The following ST6GAL2 variants were observed in gnomAD, a reference collection of about 807,000 sequenced individuals.
The protein encoded by ST6GAL2 is ST6 beta-galactoside alpha-2,6-sialyltransferase 2.
A neutral mutation model predicts 37.5 loss-of-function variants in ST6GAL2; 24 were observed. The ratio of observed to expected loss-of-function variants is 0.64; its 90% CI spans 0.46 to 0.90. The LOEUF (loss-of-function observed/expected upper bound fraction) is 0.90, where lower values mean the gene tolerates loss of function less well. Ranked by LOEUF, ST6GAL2 falls within the 40% of genes least tolerant of loss-of-function variation. The pLI is 0.00. For missense variants in ST6GAL2, 715 were observed against 712.7 expected, an observed-to-expected ratio of 1.00 and a Z score of -0.04; for synonymous variants, 306 against 295.1, an observed-to-expected ratio of 1.04 and a Z score of -0.38.
chr2:106,826,692 T>C (rs74420422), intron 5 of ST6GAL2, among the ~76,000 whole-genome samples: 13,629 of 152,172 alleles, frequency 0.09, 855 homozygotes, highest in African/African-American at 0.12. Flanking sequence ...ACATGAGATC[T>C]AGGTGGGGAC....
chr2:106,885,999 C>T (rs935010071), intron 1 of ST6GAL2, 94 bp downstream of exon 1: 3 of 152,318 alleles, frequency 2.0e-5, no homozygotes, highest in African/African-American at 4.8e-5. Flanking sequence ...GGTCTCGCTC[C>T]TAAACACGGA....
At chr2:106,811,566 T>C (rs942679295) in intron 5 of ST6GAL2, among the ~76,000 whole-genome samples, 6 of 152,152 alleles carry the variant, frequency 3.9e-5, no homozygotes, top group Admixed American at 1.3e-4. Context: ...ATTTCACCTT[T>C]AAATTTAAAG....
intron 5 of ST6GAL2, among the ~76,000 whole-genome samples, chr2:106,827,015 C>T (rs1353783150): frequency 1.3e-5 from 2 of 152,176 alleles, no homozygotes; most frequent in African/African-American, 4.8e-5. Context: ...GAAGATGGGA[C>T]TGTGCAAACT....
chr2:106,805,642 T>C lies in ST6GAL2; in HGVS notation c.*1036A>G, dbSNP rs1286639219. 6.6e-6 allele frequency: 1 copy of C among 152,218 alleles called. No individual in the cohort carries two copies. The highest frequency in any genetic ancestry group is 2.4e-5 in the African/African-American group (1 of 41,442). The allele number at this position is 152,218 out of a possible 1,614,324, so 9.4% of individuals were successfully genotyped here. A position where few individuals can be genotyped will look rare whatever the true frequency, so the allele number is the denominator to read the frequency against. On this transcript the variant is annotated 3_prime_UTR_variant, in exon 6 of 6. Transcript: ENST00000409382. ...GATTCAGTGCTCATCACTGTGGAGT[T>C]CCCACTGGCTGATAAAAACCTGCAA...
Position 106,853,892 on chromosome 2 carries a change from G to A in ST6GAL2, c.-57-9858C>T, listed in dbSNP as rs545693574. Among the ~76,000 whole-genome samples, 3 of 152,294 alleles carry A rather than the reference G, an allele frequency of 2.0e-5. No individual in the cohort carries two copies. The South Asian group carries it at 6.2e-4, about 32-fold the overall frequency. The stretch of plus-strand genomic sequence containing the variant: ...ACTAGTTAGGGTCTGCTGGCTTCCA[G>A]AAACAGCATTCATCTGCTTTGGACT... On this transcript the variant is annotated intron_variant, in intron 1 of 5. Coordinates refer to ENST00000409382, the MANE Select transcript of ST6GAL2 (RefSeq NM_001142351.2).
chr2:106,853,425 G>C (rs1677454475), intron 1 of ST6GAL2, among the ~76,000 whole-genome samples: 1 of 152,226 alleles, frequency 6.6e-6, no homozygotes, highest in Non-Finnish European at 1.5e-5. Flanking sequence ...TTCTGCCTTT[G>C]CTGTTGCATG....
intron 4 of ST6GAL2, among the ~76,000 whole-genome samples, chr2:106,830,927 T>G (rs1428590818): frequency 2.6e-5 from 4 of 152,218 alleles, no homozygotes; most frequent in Non-Finnish European, 4.4e-5. Flanking sequence ...CATTTATATT[T>G]GCTTACACCA....
At position 106,882,394 on chromosome 2, in the gene ST6GAL2, T is replaced by G. The variant is rs534546651; in HGVS notation, c.-58+3699A>C. 2.0e-5 allele frequency among the ~76,000 whole-genome samples: 3 copies of G among 152,348 alleles called. No homozygotes were observed. In the East Asian group the frequency reaches 5.8e-4, roughly 29 times the overall value. ...CTTCCTGAGGTTCAGTCTTCTCGCC[T>G]GTAAAATGGGCACAATGATACCTCC... On this transcript the variant is annotated intron_variant, in intron 1 of 5. Transcript: ENST00000409382.
rs1675343638 is a variant in ST6GAL2, at chr2:106,804,195, T to A, written c.*2483A>T. The stretch of plus-strand genomic sequence containing the variant: ...CCTCAATGAAACTGAAAGTACTATT[T>A]TAAAAGTACAATGACTACGACAAAA... On this transcript the variant is annotated 3_prime_UTR_variant, in exon 6 of 6. Transcript: ENST00000409382. 1 of 152,222 alleles carries A rather than the reference T, an allele frequency of 6.6e-6. No individual in the cohort carries two copies. The highest frequency in any genetic ancestry group is 1.5e-5 in the Non-Finnish European group (1 of 68,044). 9.4% of individuals were successfully genotyped at this position (152,222 alleles called of 1,614,324 possible).
chr2:106,815,420 A>G (rs1675764410), intron 5 of ST6GAL2, among the ~76,000 whole-genome samples: 1 of 152,220 alleles, frequency 6.6e-6, no homozygotes, highest in Admixed American at 6.5e-5. Context: ...AACAACCAGA[A>G]TATCAACAAC....
chr2:106,836,166 G>A (rs1207533771), intron 2 of ST6GAL2, among the ~76,000 whole-genome samples: 1 of 152,114 alleles, frequency 6.6e-6, no homozygotes, highest in Non-Finnish European at 1.5e-5. Flanking sequence ...AAAGAATACT[G>A]AGAAGACTGG....
At chr2:106,846,865 T>C (rs1677166237) in intron 1 of ST6GAL2, among the ~76,000 whole-genome samples, 1 of 152,246 alleles carries the variant, frequency 6.6e-6, no homozygotes, top group Admixed American at 6.5e-5. Context: ...TTATTTGGTC[T>C]TTCCAGCATC....
intron 4 of ST6GAL2, among the ~76,000 whole-genome samples, chr2:106,831,850 C>T (rs539628884): frequency 5.4e-4 from 82 of 152,274 alleles, no homozygotes; most frequent in Non-Finnish European, 1.0e-3. Context: ...AAGTCAAAGA[C>T]GCTCATTTAC....
rs2104397529 is a variant in ST6GAL2 at position 106,801,849 on chromosome 2, G to C, written c.*4829C>G. 6.6e-6 allele frequency: 1 copy of C among 152,328 alleles called. No homozygotes were observed. Among genetic ancestry groups the C allele is most frequent in the Admixed American group, 6.5e-5 (1 of 15,298 alleles). The allele number at this position is 152,328 out of a possible 1,614,324, so 9.4% of individuals were successfully genotyped here. A position where few individuals can be genotyped will look rare whatever the true frequency, so the allele number is the denominator to read the frequency against. ...TTCACTGGTTTCCACTGGAAGAATT[G>C]TCTAAGTATTTCATCTAGAATAAAA... On this transcript the variant is annotated 3_prime_UTR_variant, in exon 6 of 6. Coordinates refer to ENST00000409382, the MANE Select transcript of ST6GAL2 (RefSeq NM_001142351.2).
At chr2:106,882,308 T>C (rs1360181844) in intron 1 of ST6GAL2, among the ~76,000 whole-genome samples, 1 of 152,152 alleles carries the variant, frequency 6.6e-6, no homozygotes, top group Non-Finnish European at 1.5e-5. Context: ...CTCAGTCTAA[T>C]AGCATGGGTT....
In ST6GAL2 at chr2:106,806,911, C is replaced by A; in HGVS notation, c.1357G>T (p.Val453Leu). Residue 453 changes from valine to leucine, a missense_variant, in exon 6 of 6, where the codon GTG becomes TTG. Coordinates refer to ENST00000409382, the MANE Select transcript of ST6GAL2 (RefSeq NM_001142351.2). The stretch of plus-strand genomic sequence containing the variant: ...CGCACGGATGGGATATATTCATACA[C>A]GTGCACCTCTCTGCACATGGACATC... ...IMMSMCREVHVYEYIPSVRQT... is the reference protein window; with the variant it reads ...IMMSMCREVHLYEYIPSVRQT... The A allele has an allele frequency of 6.2e-7, 1 of 1,613,994 alleles. No homozygotes were observed. Among genetic ancestry groups the A allele is most frequent in the Non-Finnish European group, 8.5e-7 (1 of 1,179,960 alleles).
intron 1 of ST6GAL2, among the ~76,000 whole-genome samples, chr2:106,856,394 G>A (rs1432525749): frequency 1.3e-5 from 2 of 152,180 alleles, no homozygotes; most frequent in African/African-American, 4.8e-5. Flanking sequence ...GTGAGTCTCT[G>A]TAGACCCAAA....
At chr2:106,882,055 G>A (rs950752515) in intron 1 of ST6GAL2, among the ~76,000 whole-genome samples, 1 of 152,154 alleles carries the variant, frequency 6.6e-6, no homozygotes, top group African/African-American at 2.4e-5. Flanking sequence ...TGACTGCCTG[G>A]ATATTCCACA....
intron 1 of ST6GAL2, among the ~76,000 whole-genome samples, chr2:106,878,514 C>T (rs1678602504): frequency 6.6e-6 from 1 of 151,844 alleles, no homozygotes; most frequent in Non-Finnish European, 1.5e-5. Flanking sequence ...GTAATCCCAA[C>T]ATTTTTGGAG....
Sources: gnomAD v4.1 joint callset for allele counts (sites outside exome capture counted in the v4.1 genomes callset) on GRCh38, gnomAD v4.1.1 for gene constraint, MANE v1.5 for transcripts, NCBI Gene and HGNC (gene_info 2026-07-23, HGNC 2026-07-21) for gene names.